XYLB: variants seen among roughly 807,000 people sequenced by gnomAD.
XYLB encodes xylulokinase.
Under a neutral mutation model 78.7 loss-of-function variants are expected in XYLB, and 62 were observed. The observed-to-expected ratio is 0.79, with a 90% CI of 0.64 to 0.97. The LOEUF (loss-of-function observed/expected upper bound fraction) is 0.97. Ranked by LOEUF, XYLB falls within the 50% of genes least tolerant of loss-of-function variation. XYLB has a pLI of 0.00. For synonymous variants in XYLB, 245 were observed against 247.4 expected (o/e 0.99, Z 0.09); for missense variants, 687 against 676.8 (o/e 1.02, Z -0.17).
At position 38,374,487 on chromosome 3, in the gene XYLB, G is replaced by A. The variant is rs1706744469; in HGVS notation, c.873G>A (p.Glu291=). 1.2e-6 allele frequency: 2 copies of A among 1,613,446 alleles called. No homozygotes were observed. Among genetic ancestry groups the A allele is most frequent in the Non-Finnish European group, 1.7e-6 (2 of 1,179,736 alleles). ...NPASLAGMRL[E]EGDIAVSLGT... is the part of the protein sequence containing the mutation. ...CGTCGCTGGCAGGCATGAGACTGGA[G>A]GAAGGTGACATTGCGGTAAGGCGAC... The change falls in exon 11 of 19, where the codon GAG becomes GAA. Residue 291 remains glutamate (E), a synonymous_variant. Coordinates refer to ENST00000207870, the MANE Select transcript of XYLB (RefSeq NM_005108.4).
exon 18 of XYLB, among the ~76,000 whole-genome samples, chr3:38,420,437 A>G (rs1708941423): frequency 6.6e-6 from 1 of 152,236 alleles, no homozygotes; most frequent in African/African-American, 2.4e-5. Flanking sequence ...CCATCGGGCT[A>G]AGAAATTTCC....
chr3:38,372,924 TC>T (rs1706651184), intron 10 of XYLB, among the ~76,000 whole-genome samples, 188 bp downstream of exon 10: 1 of 151,952 alleles, frequency 6.6e-6, no homozygotes, highest in Non-Finnish European at 1.5e-5. Flanking sequence ...TCCTCACCAC[TC>T]CCACCCTGCG....
At chr3:38,451,531 G>A in the XYLB span, 2 of 152,272 alleles carry the variant, frequency 1.3e-5, no homozygotes, top group African/African-American at 4.8e-5. Flanking sequence ...TGCGGCAGGA[G>A]AATCACTTGA....
chr3:38,365,582 G>A, intron 5 of XYLB, 26 bp from the exon 6 acceptor site: 2 of 1,598,402 alleles, frequency 1.3e-6, no homozygotes, highest in African/African-American at 1.3e-5. Context: ...TGGAGCTTAA[G>A]CCTGTGCCTT....
At chr3:38,434,943 G>A in the XYLB span, among the ~76,000 whole-genome samples, 1 of 152,128 alleles carries the variant, frequency 6.6e-6, no homozygotes, top group Non-Finnish European at 1.5e-5. Flanking sequence ...GACCAGCCTG[G>A]CTAACATAGC....
rs1391434274 is a variant in XYLB at position 38,369,484 on chromosome 3, C to T, written c.647-572C>T. On this transcript the variant is annotated intron_variant, in intron 8 of 18. Coordinates refer to ENST00000207870, the MANE Select transcript of XYLB (RefSeq NM_005108.4). The stretch of plus-strand genomic sequence containing the variant: ...ATTTCACCTGGGCAGGTGACACCAT[C>T]AGCATCCCAGCCCACCTCTGTCTGC... 2.0e-5 allele frequency among the ~76,000 whole-genome samples: 3 copies of T among 152,182 alleles called. No homozygotes were observed. The East Asian group carries it at 5.8e-4, about 29-fold the overall frequency.
At chr3:38,383,986 A>T (rs1468449079) in intron 15 of XYLB, among the ~76,000 whole-genome samples, 2 of 152,166 alleles carry the variant, frequency 1.3e-5, no homozygotes, top group African/African-American at 4.8e-5. Context: ...GGTGCTGCGT[A>T]TGATGGCCAG....
chr3:38,379,336 C>G lies in XYLB; in HGVS notation c.1285C>G (p.Arg429Gly), dbSNP rs573319439. 3.7e-6 allele frequency: 6 copies of G among 1,613,902 alleles called. No homozygotes were observed. The African/African-American group carries it at 4.0e-5, about 11-fold the overall frequency. Reference sequence around the variant, plus strand: ...GATTCACGCAGAAGGCCTGGGCTATCGAGTCAGTAAGTGAGCCACTGGCAG... The same window carrying G: ...GATTCACGCAGAAGGCCTGGGCTATGGAGTCAGTAAGTGAGCCACTGGCAG... ...KRIHAEGLGYRVMSKTKILAT... is the reference protein window; with the variant it reads ...KRIHAEGLGYGVMSKTKILAT... Residue 429 changes from arginine (R) to glycine (G), a missense_variant, in exon 15 of 19, where the codon CGA becomes GGA. Arg to Gly is a moderately radical substitution (Grantham distance 125). Transcript: ENST00000207870.
chr3:38,413,427 T>G lies in XYLB; in HGVS notation c.*414T>G. ...TCCTATCTCTTTCTCCAACCCTGAC[T>G]GCCCACTCCTCCACAAACCGTGACC... On this transcript the variant is annotated 3_prime_UTR_variant, in exon 19 of 19. Coordinates refer to ENST00000207870, the MANE Select transcript of XYLB (RefSeq NM_005108.4). 6.2e-6 allele frequency: 1 copy of G among 161,160 alleles called. No homozygotes were observed. The highest frequency in any genetic ancestry group is 1.3e-5 in the Non-Finnish European group (1 of 74,434). 10.0% of individuals were successfully genotyped at this position (161,160 alleles called of 1,614,324 possible).
At chr3:38,417,790 G>A (rs568986165), downstream of XYLB, among the ~76,000 whole-genome samples, 455 of 149,798 alleles carry the variant, frequency 3.0e-3, 2 homozygotes, top group African/African-American at 0.01. Flanking sequence ...TGAGGCAGGA[G>A]AATCGCTTGA....
chr3:38,406,985 C>A, intron 18 of XYLB, among the ~76,000 whole-genome samples: 1 of 148,346 alleles, frequency 6.7e-6, no homozygotes. Flanking sequence ...GAGAACTTCC[C>A]CAATCTAGCA....
At chr3:38,365,456 C>T in intron 5 of XYLB, 152 bp from the exon 6 acceptor site, 6 of 1,427,438 alleles carry the variant, frequency 4.2e-6, no homozygotes, top group Middle Eastern at 2.1e-4. Flanking sequence ...TTCTAAGTTA[C>T]AGCACAAAGG....
chr3:38,444,721 G>A, the XYLB span, among the ~76,000 whole-genome samples: 1 of 152,154 alleles, frequency 6.6e-6, no homozygotes, highest in African/African-American at 2.4e-5. Flanking sequence ...TGCATTTCAA[G>A]GATGAGCCTG....
At chr3:38,418,318 A>C (rs1708868891), downstream of XYLB, among the ~76,000 whole-genome samples, 1 of 152,182 alleles carries the variant, frequency 6.6e-6, no homozygotes, top group Non-Finnish European at 1.5e-5. Context: ...AGTTTGATAA[A>C]ATTCTGTGTT....
chr3:38,395,400 T>C (rs961090147), intron 15 of XYLB, 105 bp from the exon 16 acceptor site: 3 of 981,956 alleles, frequency 3.1e-6, no homozygotes, highest in South Asian at 1.4e-5. Flanking sequence ...GTGGGAGGCA[T>C]TGGCCCATCA....
At chr3:38,375,059 G>A in intron 11 of XYLB, 85 bp from the exon 12 acceptor site, 1 of 1,068,142 alleles carries the variant, frequency 9.4e-7, no homozygotes, top group Non-Finnish European at 1.4e-6. Flanking sequence ...CAGGGTTAAG[G>A]TGGGTGGAGT....
intron 18 of XYLB, among the ~76,000 whole-genome samples, chr3:38,411,339 A>G (rs564145280): frequency 2.0e-5 from 3 of 151,538 alleles, no homozygotes; most frequent in African/African-American, 7.3e-5. Context: ...ATGAGAACAC[A>G]TGGACACAGG....
intron 2 of XYLB, among the ~76,000 whole-genome samples, chr3:38,354,784 G>A (rs924311250): frequency 6.6e-6 from 1 of 152,156 alleles, no homozygotes. Context: ...GATTACAGGC[G>A]TGAGCCACCA....
At chr3:38,421,430 G>A (rs935813802), downstream of XYLB, 3 of 152,334 alleles carry the variant, frequency 2.0e-5, no homozygotes, top group Non-Finnish European at 2.9e-5. Context: ...GAGCAGGCAT[G>A]AGGCTTATTT....
Sources: gnomAD v4.1 joint callset for allele counts (sites outside exome capture counted in the v4.1 genomes callset) on GRCh38, gnomAD v4.1.1 for gene constraint, MANE v1.5 for transcripts, NCBI Gene and HGNC (gene_info 2026-07-23, HGNC 2026-07-21) for gene names.